Variants in TGDS observed in about 807,000 individuals in gnomAD.
The protein encoded by TGDS is UDP-D-glucose 4,6-dehydratase.
In TGDS, 47 loss-of-function variants were observed where a neutral mutation model predicts 52.3. That is an observed-to-expected ratio of 0.90 (90% confidence interval 0.71 to 1.15). The LOEUF (loss-of-function observed/expected upper bound fraction) is 1.15, where lower values mean the gene tolerates loss of function less well. Among genes scored for constraint, TGDS ranks in the 50% most tolerant of loss-of-function variants. TGDS has a pLI of 0.00. For synonymous variants in TGDS, 115 were observed against 136.9 expected, an observed-to-expected ratio of 0.84 and a Z score of 1.12; for missense variants, 375 against 418.4, an observed-to-expected ratio of 0.90 and a Z score of 0.90.
At chr13:94,589,314 G>T (rs4473052) in intron 4 of TGDS, among the ~76,000 whole-genome samples, 2 of 149,472 alleles carry the variant, frequency 1.3e-5, no homozygotes, top group Non-Finnish European at 3.0e-5. Context: ...ATGGACAAAA[G>T]ATTTCTTTTT....
rs1888532733 is a variant in TGDS at position 94,574,669 on chromosome 13, A to C, written c.*113T>G. ...TTTGAATTTTATACAGAAAGTCATGAATCTAATTCCAAAAGAAAAGAGTGC... is the reference window on the plus strand; with the variant it reads ...TTTGAATTTTATACAGAAAGTCATGCATCTAATTCCAAAAGAAAAGAGTGC... On this transcript the variant is annotated 3_prime_UTR_variant, in exon 12 of 12. Transcript: ENST00000261296. 1 of 625,214 alleles carries C rather than the reference A, an allele frequency of 1.6e-6. No homozygotes were observed. Among genetic ancestry groups the C allele is most frequent in the Non-Finnish European group, 2.8e-6 (1 of 352,866 alleles). 38.7% of individuals were successfully genotyped at this position (625,214 alleles called of 1,614,324 possible).
Position 94,574,072 on chromosome 13 carries a change from T to A in TGDS, c.*710A>T, listed in dbSNP as rs957648718. 1.1e-4 allele frequency: 16 copies of A among 152,248 alleles called. No individual in the cohort carries two copies. Among genetic ancestry groups the A allele is most frequent in the Admixed American group, 5.9e-4 (9 of 15,286 alleles). 9.4% of individuals were successfully genotyped at this position (152,248 alleles called of 1,614,324 possible). A position where few individuals can be genotyped will look rare whatever the true frequency, so the allele number is the denominator to read the frequency against. On this transcript the variant is annotated 3_prime_UTR_variant, in exon 12 of 12. Coordinates refer to ENST00000261296, the MANE Select transcript of TGDS (RefSeq NM_014305.4). ...AAAAATATATAATCAAATTTTTTTTTATTTTTCTACAGCAAAATAAAAACA... is the reference window on the plus strand; with the variant it reads ...AAAAATATATAATCAAATTTTTTTTAATTTTTCTACAGCAAAATAAAAACA...
intron 4 of TGDS, among the ~76,000 whole-genome samples, chr13:94,584,424 G>A (rs1040642412): frequency 1.3e-5 from 2 of 152,202 alleles, no homozygotes; most frequent in Non-Finnish European, 2.9e-5. Context: ...GAACCAAGGT[G>A]TTCAGGGTAT....
At chr13:94,595,850 T>C (rs1244161379) in intron 1 of TGDS, 18 of 634,590 alleles carry the variant, frequency 2.8e-5, no homozygotes, top group Non-Finnish European at 4.2e-5. Context: ...AAGAGGCGTT[T>C]TAAAGAAGTC....
chr13:94,588,135 G>A (rs1424458208), intron 4 of TGDS, among the ~76,000 whole-genome samples: 8 of 152,046 alleles, frequency 5.3e-5, no homozygotes, highest in African/African-American at 1.9e-4. Context: ...GCTGGGCGTG[G>A]TGGCTCACGC....
chr13:94,576,707 A>G (rs773287737), intron 10 of TGDS, among the ~76,000 whole-genome samples: 9 of 152,192 alleles, frequency 5.9e-5, no homozygotes, highest in Non-Finnish European at 1.2e-4. Flanking sequence ...TCAATGACTA[A>G]ATAAACAAAT....
intron 11 of TGDS, among the ~76,000 whole-genome samples, chr13:94,575,645 T>C (rs963962657): frequency 1.3e-5 from 2 of 152,126 alleles, no homozygotes; most frequent in Admixed American, 6.5e-5. Flanking sequence ...CAGTAAAAGC[T>C]TTTTTAGTTT....
chr13:94,580,775 G>A (rs1181395494), intron 6 of TGDS, among the ~76,000 whole-genome samples: 1 of 152,202 alleles, frequency 6.6e-6, no homozygotes, highest in East Asian at 1.9e-4. Context: ...ACACAATAGA[G>A]GAAATTAGTT....
rs543157800 is a variant in TGDS, at chr13:94,574,574, T to C, written c.*208A>G. On this transcript the variant is annotated 3_prime_UTR_variant, in exon 12 of 12. Transcript: ENST00000261296. ...TTCCTAGTTTCTAGGAGAAAGGGTT[T>C]CAGAAAGAATTTTGACATTTAAATT... 1.4e-5 allele frequency: 7 copies of C among 497,440 alleles called. No homozygotes were observed. Among genetic ancestry groups the C allele is most frequent in the African/African-American group, 1.4e-4 (7 of 50,192 alleles). 30.8% of individuals were successfully genotyped at this position (497,440 alleles called of 1,614,324 possible). A position where few individuals can be genotyped will look rare whatever the true frequency, so the allele number is the denominator to read the frequency against.
chr13:94,582,575 G>A (rs886457709), intron 5 of TGDS, among the ~76,000 whole-genome samples: 1 of 152,212 alleles, frequency 6.6e-6, no homozygotes, highest in African/African-American at 2.4e-5. Flanking sequence ...TGACGGGATT[G>A]AAGGATACAA....
At chr13:94,581,008 A>G in intron 6 of TGDS, 83 bp downstream of exon 6, 1 of 838,068 alleles carries the variant, frequency 1.2e-6, no homozygotes, top group African/African-American at 1.8e-5. Flanking sequence ...ATTTTGAAAA[A>G]AAGAAAAAAA....
chr13:94,578,588 T>C (rs1424968483), intron 8 of TGDS, 142 bp downstream of exon 8: 1 of 633,314 alleles, frequency 1.6e-6, no homozygotes, highest in Non-Finnish European at 2.8e-6. Context: ...TTTTAAAAAC[T>C]ATTACACTGG....
chr13:94,596,090 A>T lies in TGDS; in HGVS notation c.47T>A (p.Phe16Tyr). 6.2e-7 allele frequency: 1 copy of T among 1,614,152 alleles called. No homozygotes were observed. The highest frequency in any genetic ancestry group is 1.1e-5 in the South Asian group (1 of 91,082). The change falls in exon 1 of 12, where the codon TTT (phenylalanine) becomes TAT (tyrosine). Residue 16 changes from phenylalanine to tyrosine, a missense_variant. By Grantham distance (22) the Phe-to-Tyr change is conservative. Coordinates refer to ENST00000261296, the MANE Select transcript of TGDS (RefSeq NM_014305.4). The stretch of plus-strand genomic sequence containing the variant: ...GCCGGTCACCAGGACCCGCTTCGCA[A>T]AGCCGCCGGGAAGACCCCACGGTTC... ...WEEPWGLPGG[F>Y]AKRVLVTGGA...
Position 94,578,099 on chromosome 13 carries a change from G to A in TGDS, c.731C>T (p.Thr244Ile). ...YATDVVEAFL[T>I]VLKKGKPGEI... ...ACCTGGTTTCCCTTTTTTGAGGACAGTGAGAAATGCTTCTACAACATCAGT... is the reference window on the plus strand; with the variant it reads ...ACCTGGTTTCCCTTTTTTGAGGACAATGAGAAATGCTTCTACAACATCAGT... The change falls in exon 9 of 12, where the codon ACT becomes ATT. Residue 244 changes from threonine (T) to isoleucine (I), a missense_variant. By Grantham distance (89) the Thr-to-Ile change is moderately conservative. Transcript: ENST00000261296. 1 of 1,613,826 alleles carries A rather than the reference G, an allele frequency of 6.2e-7. No homozygotes were observed. The highest frequency in any genetic ancestry group is 8.5e-7 in the Non-Finnish European group (1 of 1,179,862).
At chr13:94,593,457 G>A (rs962705381) in intron 2 of TGDS, among the ~76,000 whole-genome samples, 1 of 151,826 alleles carries the variant, frequency 6.6e-6, no homozygotes. Context: ...ATCACCATAT[G>A]CCCCATAACA....
intron 7 of TGDS, 152 bp downstream of exon 7, chr13:94,579,742 C>G: frequency 2.1e-6 from 1 of 483,352 alleles, no homozygotes. Flanking sequence ...AACTCTAAGT[C>G]TGAAGGAATC....
At position 94,578,652 on chromosome 13, in the gene TGDS, T is replaced by C. The variant is rs1174712335; in HGVS notation, c.659+78A>G. 3.6e-6 allele frequency: 4 copies of C among 1,107,966 alleles called. No homozygotes were observed. In the African/African-American group the frequency reaches 6.3e-5, roughly 17 times the overall value. 68.6% of individuals were successfully genotyped at this position (1,107,966 alleles called of 1,614,324 possible). A position where few individuals can be genotyped will look rare whatever the true frequency, so the allele number is the denominator to read the frequency against. ...TTCAATTCTATGGCCTTTAAGACTT[T>C]ATGATATTTAAGAAAGTGTCACCAA... On this transcript the variant is annotated intron_variant, in intron 8 of 11. Transcript: ENST00000261296.
intron 4 of TGDS, among the ~76,000 whole-genome samples, chr13:94,587,813 C>G (rs1034996153): frequency 6.6e-6 from 1 of 150,946 alleles, no homozygotes. Flanking sequence ...CTGGCTAACA[C>G]GGTGAAACCC....
intron 4 of TGDS, among the ~76,000 whole-genome samples, chr13:94,584,120 T>C (rs1444454175): frequency 6.6e-6 from 1 of 152,228 alleles, no homozygotes; most frequent in East Asian, 1.9e-4. Context: ...TACAATTCCC[T>C]AAGGAAGGAA....
Sources: gnomAD v4.1 joint callset for allele counts (sites outside exome capture counted in the v4.1 genomes callset) on GRCh38, gnomAD v4.1.1 for gene constraint, MANE v1.5 for transcripts, NCBI Gene and HGNC (gene_info 2026-07-23, HGNC 2026-07-21) for gene names.